The following EDA variants were observed in gnomAD, a reference collection of about 807,000 sequenced individuals.
EDA encodes the protein ectodysplasin-A.
A neutral mutation model predicts 23.6 loss-of-function variants in EDA; 2 were observed. The observed-to-expected ratio is 0.08, with a 90% CI of 0.03 to 0.27. The LOEUF (loss-of-function observed/expected upper bound fraction) is 0.27, where lower values mean the gene tolerates loss of function less well. Among genes scored for constraint, EDA ranks in the 10% least tolerant of loss-of-function variants. The pLI is 1.00. For synonymous variants in EDA, 131 were observed against 132.0 expected, an observed-to-expected ratio of 0.99 and a Z score of 0.05; for missense variants, 229 against 324.2, an observed-to-expected ratio of 0.71 and a Z score of 2.26.
At chrX:69,764,955 TC>T (rs936650664) in intron 1 of EDA, among the ~76,000 whole-genome samples, 2 of 111,623 alleles carry the variant, frequency 1.8e-5, no homozygotes, top group African/African-American at 6.5e-5. Flanking sequence ...TTTGAAAAGA[TC>T]CCCAAATCAA....
chrX:69,948,477 T>G (rs2018867053), intron 1 of EDA, among the ~76,000 whole-genome samples: 1 of 111,981 alleles, frequency 8.9e-6, no homozygotes, highest in South Asian at 3.7e-4. Context: ...GATGCCAGTT[T>G]CATTTGGCAT....
intron 1 of EDA, among the ~76,000 whole-genome samples, chrX:69,696,037 C>T (rs1364825282): frequency 9.1e-6 from 1 of 109,812 alleles, no homozygotes; most frequent in East Asian, 2.9e-4. Context: ...GTCAGGATTT[C>T]GAGACCAGCC....
chrX:69,789,502 G>T (rs191134064), intron 1 of EDA, among the ~76,000 whole-genome samples: 1 of 112,129 alleles, frequency 8.9e-6, no homozygotes, highest in African/African-American at 3.2e-5. Flanking sequence ...TGCACCAGCT[G>T]TATCTATTTC....
At position 69,974,332 on chromosome X, in the gene EDA, G is replaced by A. The variant is rs191455659; in HGVS notation, c.502+17200G>A. Among the ~76,000 whole-genome samples, 19 of 110,558 alleles carry A rather than the reference G, an allele frequency of 1.7e-4. No homozygotes were observed. The East Asian group carries it at 4.8e-3, about 28-fold the overall frequency. ...AGTCACTATTCAATAATAATGCTGG[G>A]ATAACTGACTGTCCAAAATAATGAA... On this transcript the variant is annotated intron_variant, in intron 2 of 7. Transcript: ENST00000374552.
chrX:69,697,953 C>T (rs1026365532), intron 1 of EDA, among the ~76,000 whole-genome samples: 9 of 111,800 alleles, frequency 8.1e-5, no homozygotes, highest in Admixed American at 5.7e-4. Flanking sequence ...GATAAATTGC[C>T]GCATGCATTT....
chrX:69,837,259 G>A (rs957254950), intron 1 of EDA, among the ~76,000 whole-genome samples: 1 of 111,653 alleles, frequency 9.0e-6, no homozygotes, highest in South Asian at 3.8e-4. Flanking sequence ...CAGAGTTGTG[G>A]CTTAGTGCAA....
intron 1 of EDA, among the ~76,000 whole-genome samples, chrX:69,657,431 C>T (rs1293490156): frequency 1.8e-5 from 2 of 111,967 alleles, no homozygotes; most frequent in African/African-American, 6.5e-5. Flanking sequence ...TGTAGGTTGT[C>T]TGTTTACTCT....
chrX:69,908,696 T>G (rs1441690247), intron 1 of EDA, among the ~76,000 whole-genome samples: 1 of 109,187 alleles, frequency 9.2e-6, no homozygotes, highest in Non-Finnish European at 1.9e-5. Flanking sequence ...TAGTGGGACA[T>G]GGTAGTGGTC....
At position 69,823,865 on chromosome X, in the gene EDA, G is replaced by A. The variant is rs377217927; in HGVS notation, c.397-133162G>A. Among the ~76,000 whole-genome samples the A allele has an allele frequency of 1.8e-4, 16 of 87,572 alleles. 1 individual carries two copies. In the South Asian group the frequency reaches 5.1e-3, roughly 28 times the overall value. The allele number at this position is 87,572 out of a possible 115,157, so 76.0% of individuals were successfully genotyped here. A position where few individuals can be genotyped will look rare whatever the true frequency, so the allele number is the denominator to read the frequency against. ...TTAAGTCTTTAATCCATCTTGAATT[G>A]ATTTTTGTATAAGGTGTAAGGAAGG... On this transcript the variant is annotated intron_variant, in intron 1 of 7. Coordinates refer to ENST00000374552, the MANE Select transcript of EDA (RefSeq NM_001399.5).
chrX:69,779,384 ATAAACCTCT>A (rs1443639108), intron 1 of EDA, among the ~76,000 whole-genome samples: 2 of 111,797 alleles, frequency 1.8e-5, no homozygotes, highest in Non-Finnish European at 3.8e-5. Flanking sequence ...TAGTACATGA[ATAAACCTCT>A]TAAACATCCC....
At chrX:70,014,722 C>T (rs189473373) in intron 2 of EDA, among the ~76,000 whole-genome samples, 125 of 112,175 alleles carry the variant, frequency 1.1e-3, no homozygotes, top group African/African-American at 4.0e-3. Context: ...AAGAACCAAA[C>T]TGATGTGATA....
chrX:69,646,697 G>A (rs1932934435), intron 1 of EDA, among the ~76,000 whole-genome samples: 1 of 111,521 alleles, frequency 9.0e-6, no homozygotes, highest in African/African-American at 3.3e-5. Flanking sequence ...AGATTAGCAT[G>A]TGTGAGTTTG....
chrX:69,735,336 T>C (rs926939267), intron 1 of EDA, among the ~76,000 whole-genome samples: 1 of 107,510 alleles, frequency 9.3e-6, no homozygotes, highest in Non-Finnish European at 2.0e-5. Flanking sequence ...TATTTAGCCT[T>C]AAAAGGGAAG....
Position 69,616,334 on chromosome X carries a change from G to A in EDA, c.26G>A (p.Arg9Lys), listed in dbSNP as rs986108682. Residue 9 changes from arginine to lysine, a missense_variant, in exon 1 of 8, where the codon AGG (arginine) becomes AAG (lysine). Transcript: ENST00000374552. ...ATGGGCTACCCGGAGGTGGAGCGCAGGGAACTCCTGCCTGCAGCAGCGCCG... is the reference window on the plus strand; with the variant it reads ...ATGGGCTACCCGGAGGTGGAGCGCAAGGAACTCCTGCCTGCAGCAGCGCCG... The part of the protein sequence containing the change: MGYPEVER[R>K]ELLPAAAPRE... The A allele has an allele frequency of 8.3e-7, 1 of 1,202,077 alleles. No homozygotes were observed. Among genetic ancestry groups the A allele is most frequent in the African/African-American group, 1.7e-5 (1 of 57,920 alleles).
intron 1 of EDA, among the ~76,000 whole-genome samples, chrX:69,857,341 G>T (rs778095050): frequency 7.2e-5 from 8 of 111,799 alleles, no homozygotes; most frequent in Non-Finnish European, 1.3e-4. Flanking sequence ...TGTTGCTTTG[G>T]CTATGCAGGC....
chrX:69,865,566 T>C lies in EDA; in HGVS notation c.397-91461T>C, dbSNP rs373177558. Among the ~76,000 whole-genome samples, 5 of 111,583 alleles carry C rather than the reference T, an allele frequency of 4.5e-5. No individual in the cohort carries two copies. The East Asian group carries it at 1.4e-3, about 32-fold the overall frequency. ...TCGTGCCCACCAGATTAAGGGTGGA[T>C]TTGCCTTCCCCAGCCCACTGACTCA... On this transcript the variant is annotated intron_variant, in intron 1 of 7. Coordinates refer to ENST00000374552, the MANE Select transcript of EDA (RefSeq NM_001399.5).
At chrX:69,727,210 TG>T (rs757153089) in intron 1 of EDA, among the ~76,000 whole-genome samples, 188 of 111,902 alleles carry the variant, frequency 1.7e-3, no homozygotes, top group Non-Finnish European at 3.0e-3. Context: ...TCTCCTTCTC[TG>T]CTGCACTCTG....
At chrX:69,722,393 AGACGGGGTTTCACCTTGTTAGCCAG>A (rs2012619281) in intron 1 of EDA, among the ~76,000 whole-genome samples, 1 of 109,555 alleles carries the variant, frequency 9.1e-6, no homozygotes, top group Non-Finnish European at 1.9e-5. Flanking sequence ...TTTTTAGTAG[AGACGGGGTTTCACCTTGTTAGCCAG>A]GATGGTCTCG....
chrX:69,730,692 G>A (rs1047262434), intron 1 of EDA, among the ~76,000 whole-genome samples: 3 of 111,872 alleles, frequency 2.7e-5, no homozygotes, highest in South Asian at 3.7e-4. Context: ...CTTAAAATGC[G>A]TGTGTTTGAT....
Sources: allele counts gnomAD v4.1 joint callset (sites outside exome capture counted in the v4.1 genomes callset), GRCh38; gene constraint gnomAD v4.1.1; transcripts MANE v1.5; gene names NCBI Gene and HGNC (gene_info 2026-07-23, HGNC 2026-07-21).